NLRP5: variants seen among roughly 807,000 people sequenced by gnomAD.
NLRP5 encodes NLR family pyrin domain containing 5.
A neutral mutation model predicts 113.1 loss-of-function variants in NLRP5; 93 were observed. The ratio of observed to expected loss-of-function variants is 0.82; its 90% CI spans 0.70 to 0.98. The LOEUF is 0.98. Among genes scored for constraint, NLRP5 ranks in the 50% least tolerant of loss-of-function variants. The pLI is 0.00. For missense variants in NLRP5, 1,808 were observed against 1,514.3 expected (o/e 1.19, Z -3.22); for synonymous variants, 751 against 600.7 (o/e 1.25, Z -3.66).
intron 3 of NLRP5, among the ~76,000 whole-genome samples, chr19:56,011,169 A>G (rs1015271889): frequency 6.6e-6 from 1 of 151,486 alleles, no homozygotes; most frequent in Non-Finnish European, 1.5e-5. Flanking sequence ...ATATATATAC[A>G]CACATACATT....
intron 3 of NLRP5, among the ~76,000 whole-genome samples, chr19:56,009,215 C>G (rs1381763721): frequency 6.6e-6 from 1 of 151,646 alleles, no homozygotes; most frequent in African/African-American, 2.4e-5. Context: ...TGGTGGGTGC[C>G]TGTAATCCCA....
intron 6 of NLRP5, among the ~76,000 whole-genome samples, chr19:56,023,187 G>A (rs1387721837): frequency 6.6e-6 from 1 of 152,192 alleles, no homozygotes; most frequent in Non-Finnish European, 1.5e-5. Flanking sequence ...TAGAAAAAGA[G>A]GTGTTTGAGG....
chr19:56,033,683 C>A lies in NLRP5; in HGVS notation c.2589C>A (p.His863Gln). Residue 863 changes from histidine to glutamine, a missense_variant, in exon 9 of 15, where the codon CAC (histidine) becomes CAA (glutamine). Transcript: ENST00000390649. ...GGATGGCGTGTGAAGCCTTAAAACA[C>A]CCAAAATGTTTGTTGGAGTCTTTGA... 6.2e-7 allele frequency: 1 copy of A among 1,613,350 alleles called. No individual in the cohort carries two copies. Among genetic ancestry groups the A allele is most frequent in the Non-Finnish European group, 8.5e-7 (1 of 1,179,624 alleles).
upstream of NLRP5, among the ~76,000 whole-genome samples, chr19:55,997,820 A>G (rs1461357034): frequency 6.6e-6 from 1 of 151,768 alleles, no homozygotes; most frequent in Non-Finnish European, 1.5e-5. Context: ...CTGAGATTGC[A>G]CCACTGCAGT....
chr19:56,005,390 T>C (rs1382295415), intron 2 of NLRP5, among the ~76,000 whole-genome samples: 1 of 147,310 alleles, frequency 6.8e-6, no homozygotes, highest in East Asian at 1.9e-4. Context: ...TATATATACA[T>C]ATACACACAC....
chr19:56,058,241 T>C lies in NLRP5; in HGVS notation c.3301T>C (p.Leu1101=), dbSNP rs868354149. Residue 1101 remains leucine (L), a splice_region_variant and synonymous_variant, in exon 14 of 15, where the codon TTG becomes CTG. Transcript: ENST00000390649. ...TTTCTGGGTGTCCTGACCCTGCAGGTTGAAGGCATGTGGACTGACTTCTGA... is the reference window on the plus strand; with the variant it reads ...TTTCTGGGTGTCCTGACCCTGCAGGCTGAAGGCATGTGGACTGACTTCTGA... The C allele has an allele frequency of 1.2e-6, 2 of 1,612,688 alleles. No individual in the cohort carries two copies. The highest frequency in any genetic ancestry group is 1.7e-6 in the Non-Finnish European group (2 of 1,179,200).
intron 6 of NLRP5, among the ~76,000 whole-genome samples, chr19:56,022,441 C>T (rs1445634822): frequency 6.6e-6 from 1 of 152,074 alleles, no homozygotes; most frequent in African/African-American, 2.4e-5. Flanking sequence ...GTTGCTCAGT[C>T]TGGTCTTGAA....
intron 1 of NLRP5, among the ~76,000 whole-genome samples, chr19:56,001,340 C>A (rs512864): frequency 0.34 from 46,855 of 139,450 alleles, 8,944 homozygotes; most frequent in East Asian, 0.59. Context: ...AAAAAACAAA[C>A]AAAAAACACC....
intron 6 of NLRP5, among the ~76,000 whole-genome samples, chr19:56,022,988 A>G (rs1982675952): frequency 6.6e-6 from 1 of 152,134 alleles, no homozygotes; most frequent in Non-Finnish European, 1.5e-5. Context: ...GGCCTCCCAA[A>G]GTGCTGGGAT....
chr19:56,018,134 A>G (rs970724762), intron 4 of NLRP5, among the ~76,000 whole-genome samples: 2 of 152,134 alleles, frequency 1.3e-5, no homozygotes, highest in African/African-American at 4.8e-5. Flanking sequence ...TTTTACATAC[A>G]ATCAATTTTT....
In NLRP5 at chr19:56,041,081, G is replaced by A. The variant is rs774389088; in HGVS notation, c.2946G>A (p.Leu982=). Residue 982 remains leucine (L), a synonymous_variant, in exon 11 of 15, where the codon CTG becomes CTA. Coordinates refer to ENST00000390649, the MANE Select transcript of NLRP5 (RefSeq NM_153447.4). The stretch of plus-strand genomic sequence containing the variant: ...CCATGAGGCTTCCCCACTGTAGTCT[G>A]CAGAGGCTGATGTGAGTCTGGCTTG... 47 of 1,613,758 alleles carry A rather than the reference G, an allele frequency of 2.9e-5. No individual in the cohort carries two copies. The Admixed American group carries it at 7.3e-4, about 25-fold the overall frequency.
At chr19:56,020,762 T>C (rs7257437) in intron 6 of NLRP5, among the ~76,000 whole-genome samples, 48,283 of 147,082 alleles carry the variant, frequency 0.33, 8,735 homozygotes, top group African/African-American at 0.47. Context: ...ACTTAAGTGG[T>C]AGTAATTATT....
intron 1 of NLRP5, among the ~76,000 whole-genome samples, chr19:56,000,853 A>C (rs960932387): frequency 6.6e-6 from 1 of 151,378 alleles, no homozygotes; most frequent in Non-Finnish European, 1.5e-5. Flanking sequence ...TAAAAACACA[A>C]AAATTAGCCA....
At chr19:55,991,270 C>G in the NLRP5 span, among the ~76,000 whole-genome samples, 3 of 152,080 alleles carry the variant, frequency 2.0e-5, no homozygotes, top group Non-Finnish European at 4.4e-5. Context: ...AAAATTTAGC[C>G]CCCGGAAATG....
the NLRP5 span, among the ~76,000 whole-genome samples, chr19:55,989,763 A>G: frequency 2.6e-5 from 4 of 152,200 alleles, no homozygotes; most frequent in Non-Finnish European, 5.9e-5. Context: ...TTGGTGCTCA[A>G]ATTAACCCAC....
chr19:56,010,757 T>TAAAAAAAAAAAAAAAAAAAAAAAAAA (rs1334394117), intron 3 of NLRP5, among the ~76,000 whole-genome samples: 5 of 21,682 alleles, frequency 2.3e-4, no homozygotes, highest in Admixed American at 4.1e-4. Context: ...AAAAAAAAAG[T>TAAAAAAAAAAAAAAAAAAAAAAAAAA]CCCTTGAAAC....
intron 13 of NLRP5, among the ~76,000 whole-genome samples, chr19:56,055,533 CTGTCTTTTTTTTT>C (rs1303435484): frequency 2.0e-5 from 2 of 99,500 alleles, no homozygotes; most frequent in Non-Finnish European, 4.1e-5. Flanking sequence ...TTTTCTTTCT[CTGTCTTTTTTTTT>C]TTTTTTTTTT....
chr19:56,058,114 T>G, intron 13 of NLRP5, 126 bp from the exon 14 acceptor site: 3 of 763,286 alleles, frequency 3.9e-6, no homozygotes, highest in Non-Finnish European at 4.1e-6. Flanking sequence ...CCAGTTTCAT[T>G]TTTTGTTTGT....
chr19:56,009,165 G>T (rs9304770), intron 3 of NLRP5, among the ~76,000 whole-genome samples: 5 of 151,322 alleles, frequency 3.3e-5, no homozygotes, highest in African/African-American at 1.2e-4. Flanking sequence ...ATGGTGAAAC[G>T]TCGTCTCTAC....
Sources: allele counts gnomAD v4.1 joint callset (sites outside exome capture counted in the v4.1 genomes callset), GRCh38; gene constraint gnomAD v4.1.1; transcripts MANE v1.5; gene names NCBI Gene and HGNC (gene_info 2026-07-23, HGNC 2026-07-21).